Variants in CLMP observed in about 807,000 individuals in gnomAD.
CLMP encodes the protein CXADR-like membrane protein.
In CLMP, 27 loss-of-function variants were observed where a neutral mutation model predicts 45.2. That is an observed-to-expected ratio of 0.60 (90% confidence interval 0.44 to 0.82). The LOEUF is 0.82. CLMP is among the 40% of genes least tolerant of loss of function. The pLI, the probability that CLMP is intolerant of heterozygous loss-of-function variation, is 0.00. For missense variants in CLMP, 403 were observed against 448.4 expected (o/e 0.90, Z 0.91); for synonymous variants, 167 against 171.4 (o/e 0.97, Z 0.20).
At chr11:123,106,882 A>T (rs1860567067) in intron 1 of CLMP, among the ~76,000 whole-genome samples, 1 of 151,820 alleles carries the variant, frequency 6.6e-6, no homozygotes, top group South Asian at 2.1e-4. Flanking sequence ...TAGCCCGGCG[A>T]GGTGGTGGGC....
intron 1 of CLMP, among the ~76,000 whole-genome samples, chr11:123,179,108 C>T (rs1214720681): frequency 6.6e-6 from 1 of 152,100 alleles, no homozygotes; most frequent in African/African-American, 2.4e-5. Flanking sequence ...TTTAAAACAT[C>T]GCTTTATAAA....
intron 1 of CLMP, among the ~76,000 whole-genome samples, chr11:123,160,659 A>C (rs945569847): frequency 1.3e-5 from 2 of 152,110 alleles, no homozygotes; most frequent in Non-Finnish European, 2.9e-5. Context: ...CTCTATAAAC[A>C]TCTCAGGCAT....
At chr11:123,149,767 TTTTC>T (rs373162321) in intron 1 of CLMP, among the ~76,000 whole-genome samples, 179 of 143,426 alleles carry the variant, frequency 1.2e-3, no homozygotes, top group African/African-American at 3.4e-3. Flanking sequence ...CCTCAAAAGG[TTTTC>T]TTTCTTTCTT....
chr11:123,129,017 T>C lies in CLMP; in HGVS notation c.29-31065A>G, dbSNP rs532464494. Among the ~76,000 whole-genome samples, 124 of 152,270 alleles carry C rather than the reference T, an allele frequency of 8.1e-4. 3 individuals are homozygous for C. Among genetic ancestry groups the C allele is most frequent in the African/African-American group, 2.9e-3 (119 of 41,568 alleles). ...AACTGAAGATCTGTCTGCTTTAAAA[T>C]TTGTGCTTCTAAATGTTGTTCAGGG... On this transcript the variant is annotated intron_variant, in intron 1 of 6. Coordinates refer to ENST00000448775, the MANE Select transcript of CLMP (RefSeq NM_024769.5).
At chr11:123,103,084 G>A (rs1322422926) in intron 1 of CLMP, among the ~76,000 whole-genome samples, 1 of 152,026 alleles carries the variant, frequency 6.6e-6, no homozygotes, top group Admixed American at 6.6e-5. Flanking sequence ...ACAGCCCAAG[G>A]TCCTACAACT....
chr11:123,180,283 G>A (rs1043794815), intron 1 of CLMP, among the ~76,000 whole-genome samples: 4 of 152,346 alleles, frequency 2.6e-5, no homozygotes, highest in South Asian at 2.1e-4. Flanking sequence ...TAATGTGTGT[G>A]TTTCCCACAA....
chr11:123,146,103 TC>T (rs1861235533), intron 1 of CLMP, among the ~76,000 whole-genome samples: 1 of 152,180 alleles, frequency 6.6e-6, no homozygotes, highest in African/African-American at 2.4e-5. Context: ...TATGGAAAGA[TC>T]AAGTAACTTG....
intron 1 of CLMP, among the ~76,000 whole-genome samples, chr11:123,186,176 T>C (rs1250291841): frequency 2.0e-5 from 3 of 152,260 alleles, no homozygotes; most frequent in Admixed American, 6.5e-5. Flanking sequence ...TTTTGTATCC[T>C]GTAATATAGG....
chr11:123,140,815 C>G, intron 1 of CLMP, among the ~76,000 whole-genome samples: 1 of 152,004 alleles, frequency 6.6e-6, no homozygotes, highest in East Asian at 1.9e-4. Context: ...GTTTGGTCCC[C>G]TCCAAATCTC....
intron 1 of CLMP, chr11:123,135,847 C>A (rs975626844): frequency 2.4e-6 from 1 of 421,686 alleles, no homozygotes; most frequent in Admixed American, 3.0e-5. Flanking sequence ...GCAGCATGTA[C>A]TGTTGAAAGA....
In CLMP at chr11:123,073,853, C is replaced by T. The variant is rs1865703910; in HGVS notation, c.822-79G>A. 13 of 1,454,044 alleles carry T rather than the reference C, an allele frequency of 8.9e-6. No homozygotes were observed. In the South Asian group the frequency reaches 1.8e-4, roughly 20 times the overall value. 90.1% of individuals were successfully genotyped at this position (1,454,044 alleles called of 1,614,324 possible). A position where few individuals can be genotyped will look rare whatever the true frequency, so the allele number is the denominator to read the frequency against. ...GTATGATTGCTTCCTTCTGAGGTTT[C>T]CGAAGCTGTGAACCTCAGATAATAC... On this transcript the variant is annotated intron_variant, in intron 6 of 6. Coordinates refer to ENST00000448775, the MANE Select transcript of CLMP (RefSeq NM_024769.5).
chr11:123,122,158 T>C (rs1382645126), intron 1 of CLMP, among the ~76,000 whole-genome samples: 1 of 152,186 alleles, frequency 6.6e-6, no homozygotes, highest in African/African-American at 2.4e-5. Flanking sequence ...TTCTAGACTA[T>C]AGACATTTTC....
At chr11:123,090,119 T>C (rs1267553240) in intron 2 of CLMP, among the ~76,000 whole-genome samples, 1 of 151,180 alleles carries the variant, frequency 6.6e-6, no homozygotes, top group Non-Finnish European at 1.5e-5. Flanking sequence ...TCTTATCATT[T>C]AGGATCCACT....
intron 5 of CLMP, among the ~76,000 whole-genome samples, chr11:123,075,739 G>A (rs1300885126): frequency 6.6e-6 from 1 of 152,090 alleles, no homozygotes; most frequent in African/African-American, 2.4e-5. Flanking sequence ...GGTAAAACTG[G>A]GCTGGGAGAG....
intron 1 of CLMP, among the ~76,000 whole-genome samples, chr11:123,155,551 G>T (rs1289439400): frequency 6.6e-6 from 1 of 152,190 alleles, no homozygotes; most frequent in Non-Finnish European, 1.5e-5. Context: ...GCTCAGAGGG[G>T]TTAGTTTTGC....
intron 1 of CLMP, among the ~76,000 whole-genome samples, chr11:123,190,058 G>A (rs920797989): frequency 2.0e-5 from 3 of 150,534 alleles, no homozygotes; most frequent in East Asian, 3.9e-4. Context: ...TTATACCGTA[G>A]CCCCTCTGCA....
At position 123,073,338 on chromosome 11, in the gene CLMP, T is replaced by G; in HGVS notation, c.*136A>C. 1.0e-6 allele frequency: 1 copy of G among 959,904 alleles called. No homozygotes were observed. The highest frequency in any genetic ancestry group is 1.7e-5 in the South Asian group (1 of 60,102). 59.5% of individuals were successfully genotyped at this position (959,904 alleles called of 1,614,324 possible). On this transcript the variant is annotated 3_prime_UTR_variant, in exon 7 of 7. Transcript: ENST00000448775. ...TGTATAAGGAAAATGCTCATCTGAA[T>G]CTGTTCCGTGCAATGCTCACTGCTA...
chr11:123,077,031 T>G (rs1051794538), intron 5 of CLMP, among the ~76,000 whole-genome samples: 2 of 145,492 alleles, frequency 1.4e-5, no homozygotes, highest in African/African-American at 5.1e-5. Flanking sequence ...GGAGTTTCGC[T>G]CTTGTTGCCC....
In CLMP at chr11:123,094,246, A is replaced by G. The variant is rs1320943241; in HGVS notation, c.186+3549T>C. Among the ~76,000 whole-genome samples, 3 of 152,150 alleles carry G rather than the reference A, an allele frequency of 2.0e-5. 1 individual carries two copies. Among genetic ancestry groups the G allele is most frequent in the Non-Finnish European group, 4.4e-5 (3 of 68,026 alleles). On this transcript the variant is annotated intron_variant, in intron 2 of 6. Transcript: ENST00000448775. The stretch of plus-strand genomic sequence containing the variant: ...CTTAGCCTCATAAGTGGCTGAGATT[A>G]TAGGCCTGCGCCACCATGCCCAGCT...
Sources: allele counts gnomAD v4.1 joint callset (sites outside exome capture counted in the v4.1 genomes callset), GRCh38; gene constraint gnomAD v4.1.1; transcripts MANE v1.5; gene names NCBI Gene and HGNC (gene_info 2026-07-23, HGNC 2026-07-21).